NXPE4: variants seen among roughly 807,000 people sequenced by gnomAD.
NXPE4 encodes the protein neurexophilin and PC-esterase domain family member 4.
In NXPE4, 42 loss-of-function variants were observed where a neutral mutation model predicts 33.3. The ratio of observed to expected loss-of-function variants is 1.26; its 90% CI spans 0.98 to 1.63. The LOEUF (loss-of-function observed/expected upper bound fraction) is 1.63, where lower values mean the gene tolerates loss of function less well. NXPE4 is among the 40% of genes most tolerant of loss of function. NXPE4 has a pLI of 0.00. For missense variants in NXPE4, 709 were observed against 647.6 expected (o/e 1.09, Z -1.03); for synonymous variants, 253 against 234.9 (o/e 1.08, Z -0.71).
At chr11:114,656,257 C>A in the NXPE4 span, among the ~76,000 whole-genome samples, 2 of 152,130 alleles carry the variant, frequency 1.3e-5, no homozygotes, top group African/African-American at 2.4e-5. Context: ...GAACTACAAG[C>A]CACTACTCAA....
the NXPE4 span, among the ~76,000 whole-genome samples, chr11:114,627,124 A>C: frequency 6.6e-6 from 1 of 152,100 alleles, no homozygotes; most frequent in Non-Finnish European, 1.5e-5. Flanking sequence ...AACTTCCCCA[A>C]TCTAGCAAGG....
At chr11:114,665,054 C>G in the NXPE4 span, among the ~76,000 whole-genome samples, 1 of 152,258 alleles carries the variant, frequency 6.6e-6, no homozygotes, top group Non-Finnish European at 1.5e-5. Flanking sequence ...TGGGGCACAT[C>G]TGTACACAGC....
At chr11:114,640,159 A>AT in the NXPE4 span, among the ~76,000 whole-genome samples, 262 of 63,358 alleles carry the variant, frequency 4.1e-3, 3 homozygotes, top group East Asian at 0.02. Context: ...ATATATTAAT[A>AT]ATATATATAA....
intron 2 of NXPE4, among the ~76,000 whole-genome samples, chr11:114,586,566 G>A (rs1273157269): frequency 2.6e-5 from 4 of 152,158 alleles, no homozygotes; most frequent in Non-Finnish European, 5.9e-5. Context: ...TGTCCTCAGG[G>A]TGCTGGGAAT....
At chr11:114,603,259 C>T in the NXPE4 span, among the ~76,000 whole-genome samples, 142 of 151,240 alleles carry the variant, frequency 9.4e-4, no homozygotes, top group African/African-American at 3.3e-3. Flanking sequence ...TAGGTAACTC[C>T]TATTTCCTGG....
chr11:114,603,722 T>G, the NXPE4 span, among the ~76,000 whole-genome samples: 1,544 of 146,912 alleles, frequency 0.011, 22 homozygotes, highest in African/African-American at 0.037. Flanking sequence ...CGTCTCCTAG[T>G]TAACTCCTAT....
At chr11:114,624,361 A>C in the NXPE4 span, among the ~76,000 whole-genome samples, 1 of 151,740 alleles carries the variant, frequency 6.6e-6, no homozygotes, top group Non-Finnish European at 1.5e-5. Flanking sequence ...TTATTGCCCC[A>C]GGGTAACCAC....
chr11:114,633,948 C>T, the NXPE4 span, among the ~76,000 whole-genome samples: 1 of 152,090 alleles, frequency 6.6e-6, no homozygotes, highest in East Asian at 1.9e-4. Flanking sequence ...TTTATAGCAG[C>T]ATGATTTATA....
At position 114,580,190 on chromosome 11, in the gene NXPE4, G is replaced by C. The variant is rs765026612; in HGVS notation, c.1041C>G (p.Tyr347Ter). ...GGCGGATCGTGGAATCTCCCATTAG[G>C]TATATGAGTTTTCCTCTCAGGCATT... ...MKECLRGKLI[Y>*]LMGDSTIRQW... Residue 347 changes from tyrosine to a stop codon, truncating the protein, a stop_gained, in exon 5 of 6, where the codon TAC (tyrosine) becomes TAG (stop). Coordinates refer to ENST00000375478, the MANE Select transcript of NXPE4 (RefSeq NM_001077639.2). LOFTEE classifies it high-confidence loss of function. 1.5e-5 allele frequency: 25 copies of C among 1,613,908 alleles called. No homozygotes were observed. The South Asian group carries it at 2.7e-4, about 18-fold the overall frequency.
chr11:114,623,098 G>C, the NXPE4 span, among the ~76,000 whole-genome samples: 1 of 152,172 alleles, frequency 6.6e-6, no homozygotes, highest in Admixed American at 6.5e-5. Flanking sequence ...AATTAGCGTT[G>C]CCTGGCGGAT....
chr11:114,658,449 C>T, the NXPE4 span, among the ~76,000 whole-genome samples: 1 of 152,152 alleles, frequency 6.6e-6, no homozygotes, highest in East Asian at 1.9e-4. Flanking sequence ...ACTGGGCACT[C>T]ATGAGAAAGA....
the NXPE4 span, among the ~76,000 whole-genome samples, chr11:114,676,380 T>A: frequency 3.4e-5 from 5 of 149,194 alleles, no homozygotes; most frequent in Non-Finnish European, 1.5e-5. Context: ...AATATTTAAA[T>A]TAAATATAAA....
At chr11:114,663,618 T>C in the NXPE4 span, among the ~76,000 whole-genome samples, 1 of 95,358 alleles carries the variant, frequency 1.0e-5, no homozygotes, top group Non-Finnish European at 2.3e-5. Context: ...TCTATCTATC[T>C]ATCTATCTAT....
chr11:114,653,524 C>T, the NXPE4 span, among the ~76,000 whole-genome samples: 2 of 143,468 alleles, frequency 1.4e-5, no homozygotes, highest in Non-Finnish European at 3.0e-5. Context: ...TACCCTTGTC[C>T]TGCTTTCCCT....
chr11:114,646,337 T>C, the NXPE4 span, among the ~76,000 whole-genome samples: 1 of 151,678 alleles, frequency 6.6e-6, no homozygotes, highest in Non-Finnish European at 1.5e-5. Flanking sequence ...TATAAATAAC[T>C]TAATCAAGTT....
intron 1 of NXPE4, 94 bp downstream of exon 1, chr11:114,595,498 C>G (rs1949559102): frequency 6.6e-6 from 1 of 152,278 alleles, no homozygotes; most frequent in Non-Finnish European, 1.5e-5. Flanking sequence ...CACCCCAGAT[C>G]CCTAGTTTAT....
At chr11:114,595,174 C>G (rs967389055) in intron 1 of NXPE4, among the ~76,000 whole-genome samples, 35 of 152,158 alleles carry the variant, frequency 2.3e-4, no homozygotes, top group Admixed American at 1.6e-3. Context: ...CACATCATTA[C>G]AGTGCCTGTT....
At position 114,582,525 on chromosome 11, in the gene NXPE4, C is replaced by A; in HGVS notation, c.593G>T (p.Gly198Val). Reference sequence around the variant, plus strand: ...GCCAGTGAAGATCACCCTGTCATAGCCTTGGTTCCTTGCACTCCAGAGAGC... The same window carrying A: ...GCCAGTGAAGATCACCCTGTCATAGACTTGGTTCCTTGCACTCCAGAGAGC... ...VSALWSARNQ[G>V]YDRVIFTGQF... The change falls in exon 3 of 6, where the codon GGC becomes GTC. Residue 198 changes from glycine (G) to valine (V), a missense_variant. By Grantham distance (109) the Gly-to-Val change is moderately radical. Transcript: ENST00000375478. 1.2e-6 allele frequency: 2 copies of A among 1,614,112 alleles called. No homozygotes were observed. The highest frequency in any genetic ancestry group is 1.7e-6 in the Non-Finnish European group (2 of 1,179,996).
chr11:114,628,380 T>C, the NXPE4 span, among the ~76,000 whole-genome samples: 1 of 152,108 alleles, frequency 6.6e-6, no homozygotes, highest in African/African-American at 2.4e-5. Context: ...TCAAAACCAC[T>C]GAACTACATG....
Sources: allele counts gnomAD v4.1 joint callset (sites outside exome capture counted in the v4.1 genomes callset), GRCh38; gene constraint gnomAD v4.1.1; transcripts MANE v1.5; gene names NCBI Gene and HGNC (gene_info 2026-07-23, HGNC 2026-07-21).